Variants in GPR39 observed in about 807,000 individuals in gnomAD.
GPR39 encodes zinc sensing receptor.
In GPR39, 23 loss-of-function variants were observed where a neutral mutation model predicts 18.4. The ratio of observed to expected loss-of-function variants is 1.25; its 90% CI spans 0.90 to 1.77. GPR39 has a LOEUF of 1.77. GPR39 is among the 40% of genes most tolerant of loss of function. The pLI is 0.00. For missense variants in GPR39, 647 were observed against 602.4 expected (o/e 1.07, Z -0.78); for synonymous variants, 280 against 257.9 (o/e 1.09, Z -0.82).
chr2:132,455,845 A>T (rs1044780282), intron 1 of GPR39, among the ~76,000 whole-genome samples: 1 of 152,286 alleles, frequency 6.6e-6, no homozygotes, highest in Non-Finnish European at 1.5e-5. Flanking sequence ...GGTCTGAGAC[A>T]GTTTGTTGTG....
At chr2:132,467,782 G>A (rs1429856912) in intron 1 of GPR39, among the ~76,000 whole-genome samples, 1 of 152,172 alleles carries the variant, frequency 6.6e-6, no homozygotes, top group Non-Finnish European at 1.5e-5. Flanking sequence ...AGTTAGGAAG[G>A]TTTTCTGGAG....
At chr2:132,480,808 G>C (rs750905123) in intron 1 of GPR39, among the ~76,000 whole-genome samples, 2 of 152,216 alleles carry the variant, frequency 1.3e-5, no homozygotes, top group African/African-American at 4.8e-5. Flanking sequence ...GCTAAGAGCT[G>C]TTGGAAGCTC....
At chr2:132,495,140 T>C (rs1465810220) in intron 1 of GPR39, among the ~76,000 whole-genome samples, 1 of 152,162 alleles carries the variant, frequency 6.6e-6, no homozygotes, top group Admixed American at 6.5e-5. Context: ...GGGGGTTGTA[T>C]AGGGGTACCA....
At chr2:132,534,949 C>T (rs1161999195) in intron 1 of GPR39, among the ~76,000 whole-genome samples, 1 of 151,814 alleles carries the variant, frequency 6.6e-6, no homozygotes, top group Non-Finnish European at 1.5e-5. Context: ...TGTTACAAAC[C>T]TGGACGTTGT....
chr2:132,554,737 C>A (rs1025205684), intron 1 of GPR39, among the ~76,000 whole-genome samples: 3 of 152,168 alleles, frequency 2.0e-5, no homozygotes, highest in African/African-American at 7.2e-5. Context: ...GACTTTGCAG[C>A]ACGGCTCATT....
intron 1 of GPR39, among the ~76,000 whole-genome samples, chr2:132,485,751 A>G (rs1433713860): frequency 6.6e-6 from 1 of 152,150 alleles, no homozygotes; most frequent in East Asian, 1.9e-4. Context: ...TTTCCACCAT[A>G]TATGCTATTA....
At chr2:132,500,404 C>A (rs1390099267) in intron 1 of GPR39, among the ~76,000 whole-genome samples, 2 of 152,116 alleles carry the variant, frequency 1.3e-5, no homozygotes, top group East Asian at 3.9e-4. Context: ...TATGTTGAAA[C>A]ATTCCTGCAT....
At position 132,602,090 on chromosome 2, in the gene GPR39, A is replaced by G. The variant is rs113959132; in HGVS notation, c.857-43011A>G. Among the ~76,000 whole-genome samples the G allele has an allele frequency of 4.6e-4, 70 of 152,312 alleles. 2 individuals carry two copies. The highest frequency in any genetic ancestry group is 6.8e-3 in the Middle Eastern group (2 of 294). On this transcript the variant is annotated intron_variant, in intron 1 of 1. Transcript: ENST00000329321. ...CAAAAGACCCCAAATAGCCAAAGCA[A>G]TACTGAGCAAAAATAACAGAGCAGG...
intron 1 of GPR39, among the ~76,000 whole-genome samples, chr2:132,450,260 A>G (rs1480322824): frequency 6.6e-6 from 1 of 152,202 alleles, no homozygotes; most frequent in Non-Finnish European, 1.5e-5. Flanking sequence ...TGCTAGGGCC[A>G]CCACTGCTGA....
intron 1 of GPR39, among the ~76,000 whole-genome samples, chr2:132,471,828 C>A (rs528016059): frequency 6.6e-6 from 1 of 152,116 alleles, no homozygotes; most frequent in Admixed American, 6.5e-5. Context: ...ACAATGTTTT[C>A]GGTTAACTTT....
chr2:132,584,624 G>GAAA (rs751414250), intron 1 of GPR39, among the ~76,000 whole-genome samples: 1 of 142,840 alleles, frequency 7.0e-6, no homozygotes, highest in African/African-American at 2.6e-5. Flanking sequence ...TCTTTCAGGG[G>GAAA]AAAAAAAAAA....
intron 1 of GPR39, among the ~76,000 whole-genome samples, chr2:132,440,163 C>G (rs1386140248): frequency 6.6e-6 from 1 of 152,176 alleles, no homozygotes; most frequent in Admixed American, 6.5e-5. Flanking sequence ...GTCACGGACC[C>G]TAGCCATCTC....
chr2:132,523,158 A>G (rs1679453312), intron 1 of GPR39, among the ~76,000 whole-genome samples: 1 of 152,248 alleles, frequency 6.6e-6, no homozygotes, highest in South Asian at 2.1e-4. Context: ...TTCACAAACC[A>G]GACATTACTT....
At chr2:132,645,053 CT>C in intron 1 of GPR39, 47 bp from the exon 2 acceptor site, 1 of 1,565,488 alleles carries the variant, frequency 6.4e-7, no homozygotes, top group Non-Finnish European at 8.7e-7. Context: ...TGTTCTCATG[CT>C]GTGTTTTTCT....
intron 1 of GPR39, among the ~76,000 whole-genome samples, chr2:132,441,179 A>G (rs1680431723): frequency 6.6e-6 from 1 of 152,158 alleles, no homozygotes; most frequent in Non-Finnish European, 1.5e-5. Context: ...AAGTGAGGGT[A>G]ACATCTTCAA....
chr2:132,495,713 G>T (rs1353925865), intron 1 of GPR39, among the ~76,000 whole-genome samples: 1 of 152,112 alleles, frequency 6.6e-6, no homozygotes, highest in African/African-American at 2.4e-5. Flanking sequence ...CTCTGGAGAA[G>T]CAGTCTTGGA....
intron 1 of GPR39, among the ~76,000 whole-genome samples, chr2:132,476,622 C>A (rs1573620786): frequency 1.1e-5 from 1 of 91,444 alleles, no homozygotes; most frequent in Non-Finnish European, 1.9e-5. Context: ...GGTAACAGAG[C>A]AAGACTCCAT....
chr2:132,424,024 G>T (rs1262566718), intron 1 of GPR39, among the ~76,000 whole-genome samples: 1 of 152,102 alleles, frequency 6.6e-6, no homozygotes, highest in African/African-American at 2.4e-5. Context: ...TCTTTGAAAG[G>T]GTTATGATTC....
intron 1 of GPR39, among the ~76,000 whole-genome samples, chr2:132,591,724 T>C (rs1680848341): frequency 6.6e-6 from 1 of 152,180 alleles, no homozygotes; most frequent in South Asian, 2.1e-4. Flanking sequence ...GATCCCAGTG[T>C]TTGTAGCCAA....
Sources: gnomAD v4.1 joint callset for allele counts (sites outside exome capture counted in the v4.1 genomes callset) on GRCh38, gnomAD v4.1.1 for gene constraint, MANE v1.5 for transcripts, NCBI Gene and HGNC (gene_info 2026-07-23, HGNC 2026-07-21) for gene names.